Variants in MMP10 observed in about 807,000 individuals in gnomAD.
MMP10 encodes the protein matrix metallopeptidase 10.
In MMP10, 50 loss-of-function variants were observed where a neutral mutation model predicts 49.1. The ratio of observed to expected loss-of-function variants is 1.02; its 90% CI spans 0.81 to 1.29. MMP10 has a LOEUF of 1.29. MMP10 is among the 50% of genes most tolerant of loss of function. The pLI, the probability that MMP10 is intolerant of heterozygous loss-of-function variation, is 0.00. For missense variants in MMP10, 613 were observed against 563.8 expected, an observed-to-expected ratio of 1.09 and a Z score of -0.88; for synonymous variants, 229 against 201.6, an observed-to-expected ratio of 1.14 and a Z score of -1.15.
At chr11:102,771,153 AG>A (rs1861971795) in intron 9 of MMP10, among the ~76,000 whole-genome samples, 1 of 152,222 alleles carries the variant, frequency 6.6e-6, no homozygotes, top group Non-Finnish European at 1.5e-5. Context: ...GGAAGGAAGG[AG>A]GGAGGACTCC....
chr11:102,775,884 G>A (rs1039273532), intron 6 of MMP10, among the ~76,000 whole-genome samples: 2 of 151,988 alleles, frequency 1.3e-5, no homozygotes, highest in African/African-American at 4.8e-5. Context: ...AAAAATGAAC[G>A]AAACAGATAT....
At chr11:102,771,051 A>G (rs1159884220) in intron 9 of MMP10, among the ~76,000 whole-genome samples, 158 bp from the exon 10 acceptor site, 1 of 152,230 alleles carries the variant, frequency 6.6e-6, no homozygotes, top group Non-Finnish European at 1.5e-5. Flanking sequence ...CTTTATCTCA[A>G]TTACCCTTAC....
chr11:102,773,722 T>C (rs1301765191), intron 7 of MMP10, among the ~76,000 whole-genome samples: 1 of 152,200 alleles, frequency 6.6e-6, no homozygotes. Flanking sequence ...TGCACAACAA[T>C]AGAGAACTTT....
At chr11:102,778,529 T>C in intron 4 of MMP10, 95 bp downstream of exon 4, 1 of 1,475,296 alleles carries the variant, frequency 6.8e-7, no homozygotes, top group Non-Finnish European at 9.2e-7. Flanking sequence ...CAGTTACTAG[T>C]ATATTCGATT....
intron 7 of MMP10, among the ~76,000 whole-genome samples, chr11:102,774,250 A>C (rs911300329): frequency 6.6e-6 from 1 of 152,196 alleles, no homozygotes. Flanking sequence ...TTGTATTAGA[A>C]AAGAAAAAAG....
At chr11:102,774,805 T>C (rs149695467) in intron 7 of MMP10, among the ~76,000 whole-genome samples, 6 of 152,328 alleles carry the variant, frequency 3.9e-5, no homozygotes, top group African/African-American at 1.4e-4. Flanking sequence ...ACACAGGGCT[T>C]TTCTCCTCAT....
At position 102,779,486 on chromosome 11, in the gene MMP10, A is replaced by G. The variant is rs767300196; in HGVS notation, c.347+18T>C. 164 of 1,612,796 alleles carry G rather than the reference A, an allele frequency of 1.0e-4. No individual in the cohort carries two copies. The highest frequency in any genetic ancestry group is 1.3e-4 in the Non-Finnish European group (154 of 1,179,156). On this transcript the variant is annotated intron_variant, in intron 2 of 9. Transcript: ENST00000279441. ...TATAAGGTTTCAATATTATGTGAAAACTAATCTGAACCATTACCTGTATGT... is the reference window on the plus strand; with the variant it reads ...TATAAGGTTTCAATATTATGTGAAAGCTAATCTGAACCATTACCTGTATGT...
chr11:102,773,072 A>G, intron 7 of MMP10, 66 bp from the exon 8 acceptor site: 1 of 1,460,676 alleles, frequency 6.8e-7, no homozygotes, highest in Non-Finnish European at 9.2e-7. Context: ...ATTATAGTGC[A>G]TTGTTGTGGT....
chr11:102,771,045 A>G (rs1861970698), intron 9 of MMP10, 152 bp from the exon 10 acceptor site: 2 of 539,022 alleles, frequency 3.7e-6, no homozygotes, highest in East Asian at 3.1e-5. Flanking sequence ...TACATGCTTT[A>G]TCTCAATTAC....
intron 4 of MMP10, 88 bp downstream of exon 4, chr11:102,778,536 G>T: frequency 6.6e-7 from 1 of 1,519,922 alleles, no homozygotes; most frequent in Non-Finnish European, 8.9e-7. Flanking sequence ...TAGTATATTC[G>T]ATTTATTGCT....
intron 6 of MMP10, 38 bp downstream of exon 6, chr11:102,776,242 A>G (rs368616324): frequency 3.8e-6 from 6 of 1,579,450 alleles, no homozygotes; most frequent in South Asian, 1.2e-5. Flanking sequence ...ACTGTACATC[A>G]AAAGAATAGA....
rs966382646 is a variant in MMP10 at position 102,772,651 on chromosome 11, G to A, written c.1226+196C>T. Among the ~76,000 whole-genome samples the A allele has an allele frequency of 6.6e-6, 1 of 152,168 alleles. No homozygotes were observed. The highest frequency in any genetic ancestry group is 6.5e-5 in the Admixed American group (1 of 15,270). Reference sequence around the variant, plus strand: ...TCTCCTGATGTCTTTTAGTGTCTGAGTATATGGCCCAGTGATCACCATTCT... The same window carrying A: ...TCTCCTGATGTCTTTTAGTGTCTGAATATATGGCCCAGTGATCACCATTCT... On this transcript the variant is annotated intron_variant, in intron 8 of 9. Transcript: ENST00000279441. This position sits in a 1 kb window ranked among gnomAD's most constrained non-coding sequence, Gnocchi z 4.4.
In MMP10 at chr11:102,776,692, T is replaced by C. The variant is rs1018110088; in HGVS notation, c.707A>G (p.Tyr236Cys). 1.2e-6 allele frequency: 2 copies of C among 1,613,982 alleles called. No individual in the cohort carries two copies. Among genetic ancestry groups the C allele is most frequent in the Non-Finnish European group, 8.5e-7 (1 of 1,179,940 alleles). ...CTCTGTGAATGAGTTGTAGAGTGGG[T>C]ACATCAAAGCTTCAGTGTTGGCTGA... ...FHSANTEALM[Y>C]PLYNSFTELA... The change falls in exon 5 of 10, where the codon TAC becomes TGC. Residue 236 changes from tyrosine to cysteine, a missense_variant. Transcript: ENST00000279441.
chr11:102,772,998 A>C lies in MMP10; in HGVS notation c.1075T>G (p.Phe359Val), dbSNP rs1293123246. The C allele has an allele frequency of 6.3e-7, 1 of 1,585,386 alleles. No homozygotes were observed. Among genetic ancestry groups the C allele is most frequent in the East Asian group, 2.2e-5 (1 of 44,592 alleles). ...DTVFIFKGNE[F>V]WAIRGNEVQA... is the part of the protein sequence containing the mutation. ...ACCTCATTTCCTCTGATGGCCCAGAACTCATTTCCTATTGAAAAAATAAAT... is the reference window on the plus strand; with the variant it reads ...ACCTCATTTCCTCTGATGGCCCAGACCTCATTTCCTATTGAAAAAATAAAT... The change falls in exon 8 of 10, where the codon TTC becomes GTC. Residue 359 changes from phenylalanine (F) to valine (V), a missense_variant. Phe to Val is a conservative substitution (Grantham distance 50). Transcript: ENST00000279441. The surrounding 1 kb of genome is among the most constrained non-coding windows in gnomAD (Gnocchi z 4.4).
chr11:102,772,756 AGGGT>A lies in MMP10; in HGVS notation c.1226+87_1226+90del. On this transcript the variant is annotated intron_variant, in intron 8 of 9. Coordinates refer to ENST00000279441, the MANE Select transcript of MMP10 (RefSeq NM_002425.3). This position sits in a 1 kb window ranked among gnomAD's most constrained non-coding sequence, Gnocchi z 4.4. ...AAATTTTGAAGTTAGAGAAAGTTAG[AGGGT>A]GGGTGTAGGGTAGGGAAATATCCTT... is the stretch of plus-strand genomic sequence containing the variant. The A allele has an allele frequency of 7.6e-7, 1 of 1,309,620 alleles. No individual in the cohort carries two copies. Among genetic ancestry groups the A allele is most frequent in the Non-Finnish European group, 1.0e-6 (1 of 958,318 alleles). The allele number at this position is 1,309,620 out of a possible 1,614,324, so 81.1% of individuals were successfully genotyped here. A position where few individuals can be genotyped will look rare whatever the true frequency, so the allele number is the denominator to read the frequency against.
At chr11:102,771,972 TG>T in intron 9 of MMP10, 39 bp downstream of exon 9, 1 of 1,129,976 alleles carries the variant, frequency 8.8e-7, no homozygotes, top group Non-Finnish European at 1.3e-6. Context: ...TAAAAATGCC[TG>T]GAGATTCCTG....
intron 7 of MMP10, among the ~76,000 whole-genome samples, chr11:102,773,210 G>A (rs2134348261): frequency 6.6e-6 from 1 of 152,170 alleles, no homozygotes; most frequent in Admixed American, 6.5e-5. Flanking sequence ...CTGATTCACT[G>A]CCCTTTCTGT....
At chr11:102,778,392 G>T (rs570079029) in intron 4 of MMP10, among the ~76,000 whole-genome samples, 14 of 152,134 alleles carry the variant, frequency 9.2e-5, no homozygotes, top group Non-Finnish European at 2.1e-4. Context: ...TGGAGATGAG[G>T]TTGAATGGTT....
chr11:102,780,432 C>G, intron 1 of MMP10, 55 bp downstream of exon 1: 1 of 1,443,808 alleles, frequency 6.9e-7, no homozygotes, highest in Non-Finnish European at 9.7e-7. Context: ...ATTGGAAGAC[C>G]AAGTAGACAC....
Sources: allele counts gnomAD v4.1 joint callset (sites outside exome capture counted in the v4.1 genomes callset), GRCh38; gene constraint gnomAD v4.1.1; non-coding constraint Gnocchi (gnomAD v3.1); transcripts MANE v1.5; gene names NCBI Gene and HGNC (gene_info 2026-07-23, HGNC 2026-07-21).